The following SLIT3 variants were observed in gnomAD, a reference collection of about 807,000 sequenced individuals.
SLIT3 encodes slit guidance ligand 3, also known as slit homolog 3 protein.
SLIT3 carries 68 observed loss-of-function variants against 184.0 expected under a neutral mutation model. The observed-to-expected ratio is 0.37, with a 90% CI of 0.30 to 0.45. The LOEUF is 0.45. SLIT3 is among the 20% of genes least tolerant of loss of function. SLIT3 has a pLI of 1.00. For missense variants in SLIT3, 1,707 were observed against 2,026.0 expected, an observed-to-expected ratio of 0.84 and a Z score of 3.02; for synonymous variants, 831 against 828.6, an observed-to-expected ratio of 1.00 and a Z score of -0.05.
chr5:169,180,513 A>G (rs1763119994), intron 4 of SLIT3, among the ~76,000 whole-genome samples: 2 of 152,212 alleles, frequency 1.3e-5, no homozygotes, highest in African/African-American at 4.8e-5. Flanking sequence ...AGGTCCTTGA[A>G]ATCCAGCCAG....
intron 4 of SLIT3, among the ~76,000 whole-genome samples, chr5:168,973,079 A>G (rs1754634392): frequency 6.6e-6 from 1 of 151,894 alleles, no homozygotes; most frequent in Admixed American, 6.6e-5. Context: ...CTTGTCCTTG[A>G]AGAGCCCAAA....
rs763077652 is a variant in SLIT3 at position 169,039,507 on chromosome 5, C to T, written c.413+153972G>A. On this transcript the variant is annotated intron_variant, in intron 4 of 35. Coordinates refer to ENST00000519560, the MANE Select transcript of SLIT3 (RefSeq NM_003062.4). ...AATTTTTTGTATTTTTTAGTAGAGA[C>T]GGGGTTTCACCATGTTAGCCGGGAT... 6.6e-5 allele frequency among the ~76,000 whole-genome samples: 10 copies of T among 151,864 alleles called. No homozygotes were observed. In the South Asian group the frequency reaches 8.3e-4, roughly 13 times the overall value.
chr5:169,179,614 G>C (rs958433715), intron 4 of SLIT3, among the ~76,000 whole-genome samples: 1 of 150,196 alleles, frequency 6.7e-6, no homozygotes, highest in Non-Finnish European at 1.5e-5. Flanking sequence ...CCCACTGTTG[G>C]AGTATGAAAT....
In SLIT3 at chr5:168,893,781, T is replaced by C. The variant is rs114920459; in HGVS notation, c.414-10445A>G. ...TTGTTCTGAAATGAAGTGTGTGCAT[T>C]TGGCCTGCTCTGTGATTAATTGCTG... On this transcript the variant is annotated intron_variant, in intron 4 of 35. Coordinates refer to ENST00000519560, the MANE Select transcript of SLIT3 (RefSeq NM_003062.4). 6.7e-3 allele frequency among the ~76,000 whole-genome samples: 1,025 copies of C among 152,272 alleles called. 7 individuals are homozygous for C. The highest frequency in any genetic ancestry group is 0.022 in the African/African-American group (934 of 41,542).
chr5:168,724,438 C>T lies in SLIT3; in HGVS notation c.2317G>A (p.Ala773Thr), dbSNP rs138524475. Residue 773 changes from alanine to threonine, a missense_variant, in exon 21 of 36, where the codon GCC (alanine) becomes ACC (threonine). By Grantham distance (58) the Ala-to-Thr change is moderately conservative (BLOSUM62 0). Transcript: ENST00000519560. ...TACATAAGCGTCAGGTGTCGGAGGGCGGACAGCTCTCTGGGCACGGCTGTT... is the reference window on the plus strand; with the variant it reads ...TACATAAGCGTCAGGTGTCGGAGGGTGGACAGCTCTCTGGGCACGGCTGTT... ...HLTAVPRELS[A>T]LRHLTLIDLS... is the part of the protein sequence containing the mutation. The T allele has an allele frequency of 1.1e-4, 185 of 1,612,794 alleles. 1 individual carries two copies. Among genetic ancestry groups the T allele is most frequent in the Middle Eastern group, 8.3e-4 (5 of 6,054 alleles).
chr5:168,937,088 T>G (rs1294315419), intron 4 of SLIT3, among the ~76,000 whole-genome samples: 1 of 152,048 alleles, frequency 6.6e-6, no homozygotes, highest in Non-Finnish European at 1.5e-5. Context: ...AAGAATTCGC[T>G]GGTTGAGGAC....
chr5:168,927,053 C>A (rs997210154), intron 4 of SLIT3, among the ~76,000 whole-genome samples: 1 of 152,128 alleles, frequency 6.6e-6, no homozygotes, highest in Non-Finnish European at 1.5e-5. Flanking sequence ...AATGCAGAGT[C>A]TTGAAGAGAT....
intron 3 of SLIT3, among the ~76,000 whole-genome samples, chr5:169,241,127 C>T (rs1765391720): frequency 1.3e-5 from 2 of 152,044 alleles, no homozygotes; most frequent in African/African-American, 4.8e-5. Context: ...CAAAGAATAT[C>T]CCACTTACAA....
At chr5:169,255,528 A>G (rs999798185) in intron 1 of SLIT3, among the ~76,000 whole-genome samples, 1 of 152,238 alleles carries the variant, frequency 6.6e-6, no homozygotes, top group Non-Finnish European at 1.5e-5. Context: ...GTATACCTAT[A>G]CAGTTTGCGT....
chr5:169,099,267 C>A (rs796773241), intron 4 of SLIT3, among the ~76,000 whole-genome samples: 1 of 152,216 alleles, frequency 6.6e-6, no homozygotes, highest in Non-Finnish European at 1.5e-5. Context: ...GCACAGAAGC[C>A]CCCAAGACAG....
At chr5:169,286,634 G>T (rs887880847) in intron 1 of SLIT3, among the ~76,000 whole-genome samples, 2 of 152,184 alleles carry the variant, frequency 1.3e-5, no homozygotes, top group Admixed American at 1.3e-4. Context: ...GTACGGCCAG[G>T]TCGCCAAATT....
chr5:168,868,747 CAAAAAA>C (rs375837097), intron 5 of SLIT3, among the ~76,000 whole-genome samples: 20 of 69,320 alleles, frequency 2.9e-4, no homozygotes, highest in African/African-American at 8.1e-4. Flanking sequence ...GAATCTGCCT[CAAAAAA>C]AAAAAAAAAA....
At chr5:168,783,726 T>G (rs1013102879) in intron 12 of SLIT3, among the ~76,000 whole-genome samples, 58 of 152,232 alleles carry the variant, frequency 3.8e-4, no homozygotes, top group African/African-American at 1.4e-3. Flanking sequence ...GGCTGAACAC[T>G]AAATTAGATC....
intron 14 of SLIT3, among the ~76,000 whole-genome samples, chr5:168,766,369 A>G (rs1755346177): frequency 6.6e-6 from 1 of 152,234 alleles, no homozygotes; most frequent in Non-Finnish European, 1.5e-5. Flanking sequence ...TGATGTGAAT[A>G]AGCAAAGGGT....
At chr5:168,913,792 A>G (rs1324201391) in intron 4 of SLIT3, among the ~76,000 whole-genome samples, 1 of 151,996 alleles carries the variant, frequency 6.6e-6, no homozygotes, top group South Asian at 2.1e-4. Flanking sequence ...TAGACGTAAA[A>G]TGAAAAGTAA....
intron 20 of SLIT3, among the ~76,000 whole-genome samples, chr5:168,725,866 CA>C (rs1763092965): frequency 6.6e-6 from 1 of 152,208 alleles, no homozygotes; most frequent in African/African-American, 2.4e-5. Context: ...GTCAAGGTGT[CA>C]ATGACTGAAC....
intron 11 of SLIT3, among the ~76,000 whole-genome samples, chr5:168,789,253 G>A (rs1756268336): frequency 1.3e-5 from 2 of 150,298 alleles, no homozygotes; most frequent in Admixed American, 6.6e-5. Context: ...TGGCATGTGG[G>A]GTGGGAGGGG....
rs547837599 is a variant in SLIT3, at chr5:168,706,818, C to T, written c.2844+1158G>A. Reference sequence around the variant, plus strand: ...AGAAATACATCAGGTAGTCCCATTCCCCAGAATGAGGCTGCCTCTAAGCCT... The same window carrying T: ...AGAAATACATCAGGTAGTCCCATTCTCCAGAATGAGGCTGCCTCTAAGCCT... On this transcript the variant is annotated intron_variant, in intron 26 of 35. Transcript: ENST00000519560. 9 of 152,280 alleles carry T rather than the reference C, an allele frequency of 5.9e-5. No individual in the cohort carries two copies. The East Asian group carries it at 1.7e-3, about 30-fold the overall frequency. 9.4% of individuals were successfully genotyped at this position (152,280 alleles called of 1,614,324 possible).
At chr5:168,800,842 A>C (rs1756742981) in intron 9 of SLIT3, among the ~76,000 whole-genome samples, 1 of 152,234 alleles carries the variant, frequency 6.6e-6, no homozygotes, top group African/African-American at 2.4e-5. Flanking sequence ...CTTAGAACAA[A>C]ATGGATGAAG....
Sources: allele counts gnomAD v4.1 joint callset (sites outside exome capture counted in the v4.1 genomes callset), GRCh38; gene constraint gnomAD v4.1.1; transcripts MANE v1.5; gene names NCBI Gene and HGNC (gene_info 2026-07-23, HGNC 2026-07-21).